CAPN11: variants seen among roughly 807,000 people sequenced by gnomAD.
The protein encoded by CAPN11 is calpain-11.
Under a neutral mutation model 105.3 loss-of-function variants are expected in CAPN11, and 108 were observed. The ratio of observed to expected loss-of-function variants is 1.03; its 90% CI spans 0.88 to 1.20. The LOEUF (loss-of-function observed/expected upper bound fraction) is 1.20, where lower values mean the gene tolerates loss of function less well. Ranked by LOEUF, CAPN11 falls within the 50% of genes most tolerant of loss-of-function variation. CAPN11 has a pLI of 0.00. For missense variants in CAPN11, 883 were observed against 924.8 expected (o/e 0.95, Z 0.59); for synonymous variants, 329 against 344.5 (o/e 0.96, Z 0.50).
chr6:44,163,377 A>C (rs931838004), intron 1 of CAPN11, among the ~76,000 whole-genome samples: 7 of 152,324 alleles, frequency 4.6e-5, no homozygotes, highest in African/African-American at 1.7e-4. Flanking sequence ...CACAAGTTGC[A>C]GTACAATGGA....
At chr6:44,166,957 A>AGGGGGGGGGGGGGT in intron 2 of CAPN11, 128 bp downstream of exon 2, 1 of 338,624 alleles carries the variant, frequency 3.0e-6, no homozygotes, top group Non-Finnish European at 6.0e-6. Context: ...CGGCGGGGGG[A>AGGGGGGGGGGGGGT]GGGGAGGCTA....
At chr6:44,168,037 A>G (rs1770267980) in intron 2 of CAPN11, among the ~76,000 whole-genome samples, 1 of 152,146 alleles carries the variant, frequency 6.6e-6, no homozygotes, top group African/African-American at 2.4e-5. Context: ...AAATGGAAAA[A>G]AACCCAAAAA....
At chr6:44,182,853 C>T (rs914988104) in intron 19 of CAPN11, 88 bp from the exon 20 acceptor site, 8 of 943,692 alleles carry the variant, frequency 8.5e-6, no homozygotes, top group Non-Finnish European at 1.3e-5. Flanking sequence ...GGATTACAGG[C>T]ATGAGCCACC....
Position 44,176,997 on chromosome 6 carries a change from T to G in CAPN11, c.1236T>G (p.Pro412=). ...GSSAGGCRNH[P]GTFWTNPQFK... is the part of the protein sequence containing the mutation. Reference sequence around the variant, plus strand: ...CCGCAGGGGGCTGCAGGAACCACCCTGGTGGGTGAGGGGTGAGAGGGGAGG... The same window carrying G: ...CCGCAGGGGGCTGCAGGAACCACCCGGGTGGGTGAGGGGTGAGAGGGGAGG... Residue 412 remains proline (P), a splice_region_variant and synonymous_variant, in exon 11 of 23, where the codon CCT becomes CCG. Coordinates refer to ENST00000398776, the MANE Select transcript of CAPN11 (RefSeq NM_007058.4). 1.9e-6 allele frequency: 3 copies of G among 1,609,598 alleles called. No individual in the cohort carries two copies. Among genetic ancestry groups the G allele is most frequent in the Non-Finnish European group, 2.5e-6 (3 of 1,178,180 alleles).
At chr6:44,178,811 T>C (rs1404302014) in intron 12 of CAPN11, among the ~76,000 whole-genome samples, 1 of 147,950 alleles carries the variant, frequency 6.8e-6, no homozygotes, top group Non-Finnish European at 1.5e-5. Context: ...TGGTCCCAGC[T>C]ACTCGAGAAG....
intron 21 of CAPN11, 95 bp downstream of exon 21, chr6:44,183,330 C>T (rs1317784528): frequency 1.3e-6 from 1 of 785,586 alleles, no homozygotes; most frequent in Admixed American, 1.9e-5. Flanking sequence ...CAGATCCCCT[C>T]CCCCTTACAA....
At chr6:44,182,252 C>CCA (rs139468500) in intron 19 of CAPN11, among the ~76,000 whole-genome samples, 18,584 of 40,972 alleles carry the variant, frequency 0.45, 2,027 homozygotes, top group Middle Eastern at 0.51. Context: ...CACAACCACA[C>CCA]CACACACACA....
chr6:44,167,533 G>T (rs1582863705), intron 2 of CAPN11, among the ~76,000 whole-genome samples: 1 of 129,998 alleles, frequency 7.7e-6, no homozygotes, highest in South Asian at 2.5e-4. Flanking sequence ...AGCAGCATCT[G>T]TTTAGATGGT....
At position 44,173,220 on chromosome 6, in the gene CAPN11, T is replaced by G; in HGVS notation, c.665T>G (p.Leu222Arg). 1.9e-6 allele frequency: 3 copies of G among 1,613,882 alleles called. No individual in the cohort carries two copies. Among genetic ancestry groups the G allele is most frequent in the Non-Finnish European group, 2.5e-6 (3 of 1,179,836 alleles). ...CAGTGCCTTCTCTGTGCCCACAGGC[T>G]GAGTGGGTCCTATGAAGCATTGTCA... is the stretch of plus-strand genomic sequence containing the variant. ...SALLEKAYAK[L>R]SGSYEALSGG... Residue 222 changes from leucine to arginine, a missense_variant and splice_region_variant, in exon 7 of 23, where the codon CTG (leucine) becomes CGG (arginine). Leu to Arg is a moderately radical substitution (Grantham distance 102). Coordinates refer to ENST00000398776, the MANE Select transcript of CAPN11 (RefSeq NM_007058.4).
intron 19 of CAPN11, 124 bp from the exon 20 acceptor site, chr6:44,182,817 G>C: frequency 1.5e-6 from 1 of 673,524 alleles, no homozygotes; most frequent in Admixed American, 2.2e-5. Flanking sequence ...CAGATGATCC[G>C]CCTGCCTCGG....
intron 1 of CAPN11, among the ~76,000 whole-genome samples, chr6:44,161,151 C>T (rs1435554362): frequency 2.0e-5 from 3 of 150,784 alleles, no homozygotes; most frequent in Non-Finnish European, 4.4e-5. Flanking sequence ...ATCTTTTGCC[C>T]TCTCTAAGGG....
chr6:44,168,286 T>C (rs1256300783), intron 2 of CAPN11, among the ~76,000 whole-genome samples: 3 of 152,200 alleles, frequency 2.0e-5, no homozygotes, highest in Admixed American at 2.0e-4. Flanking sequence ...TTTTTCTTTT[T>C]TGAGATGGAG....
chr6:44,181,411 C>T (rs1773117935), intron 19 of CAPN11, 91 bp downstream of exon 19: 1 of 884,974 alleles, frequency 1.1e-6, no homozygotes, highest in Non-Finnish European at 1.7e-6. Flanking sequence ...GAACCCAAGC[C>T]CTAACCACAC....
In CAPN11 at chr6:44,183,999, G is replaced by A. The variant is rs1276482684; in HGVS notation, c.*67G>A. On this transcript the variant is annotated 3_prime_UTR_variant, in exon 23 of 23. Transcript: ENST00000398776. ...CAGCGAGGTTCTAGCCCAGGAGGGT[G>A]GGGTGCTTCTTGTAGCCCTCAGCTC... 6.5e-7 allele frequency: 1 copy of A among 1,530,864 alleles called. No individual in the cohort carries two copies. 94.8% of individuals were successfully genotyped at this position (1,530,864 alleles called of 1,614,324 possible). A position where few individuals can be genotyped will look rare whatever the true frequency, so the allele number is the denominator to read the frequency against.
intron 1 of CAPN11, 104 bp from the exon 2 acceptor site, chr6:44,166,654 T>A (rs1474898170): frequency 1.2e-6 from 1 of 852,922 alleles, no homozygotes; most frequent in Non-Finnish European, 1.9e-6. Context: ...CCAACCCAGT[T>A]CTTTTCCTCA....
chr6:44,183,866 C>G (rs772327479), intron 22 of CAPN11, 40 bp from the exon 23 acceptor site: 4 of 1,566,386 alleles, frequency 2.6e-6, no homozygotes, highest in Non-Finnish European at 3.5e-6. Context: ...ATCCTGCCCC[C>G]GTCTCTTCCC....
rs1481430320 is a variant in CAPN11 at position 44,177,290 on chromosome 6, A to G, written c.1286A>G (p.Asp429Gly). 6.2e-7 allele frequency: 1 copy of G among 1,612,160 alleles called. No individual in the cohort carries two copies. The highest frequency in any genetic ancestry group is 1.3e-5 in the African/African-American group (1 of 74,982). ...TTTAAGATCTCTCTTCCTGAGGGGG[A>G]TGACCCAGAGGATGACGCAGAGGGC... The part of the protein sequence containing the change: ...PQFKISLPEG[D>G]DPEDDAEGNV... The change falls in exon 12 of 23, where the codon GAT becomes GGT. Residue 429 changes from aspartate to glycine, a missense_variant. Transcript: ENST00000398776.
At chr6:44,178,962 T>G (rs372142827) in intron 12 of CAPN11, among the ~76,000 whole-genome samples, 5 of 152,196 alleles carry the variant, frequency 3.3e-5, no homozygotes, top group African/African-American at 1.2e-4. Flanking sequence ...GAAAGACTAC[T>G]GCAGCCTGAG....
chr6:44,176,829 C>A lies in CAPN11; in HGVS notation c.1077-9C>A, dbSNP rs777881025. The A allele has an allele frequency of 6.2e-7, 1 of 1,613,596 alleles. No homozygotes were observed. The highest frequency in any genetic ancestry group is 1.3e-5 in the African/African-American group (1 of 75,014). On this transcript the variant is annotated splice_polypyrimidine_tract_variant and intron_variant, in intron 10 of 22. Coordinates refer to ENST00000398776, the MANE Select transcript of CAPN11 (RefSeq NM_007058.4). ...GCTGCTGACGGGCTCCACCCCCACC[C>A]CACCACAGGATGTCCTACCAAGATT... is the stretch of plus-strand genomic sequence containing the variant.
Sources: gnomAD v4.1 joint callset for allele counts (sites outside exome capture counted in the v4.1 genomes callset) on GRCh38, gnomAD v4.1.1 for gene constraint, MANE v1.5 for transcripts, NCBI Gene and HGNC (gene_info 2026-07-23, HGNC 2026-07-21) for gene names.